The following TUSC3 variants were observed in gnomAD, a reference collection of about 807,000 sequenced individuals.
The protein encoded by TUSC3 is dolichyl-diphosphooligosaccharide--protein glycosyltransferase subunit TUSC3.
A neutral mutation model predicts 44.8 loss-of-function variants in TUSC3; 45 were observed. That is an observed-to-expected ratio of 1.00 (90% confidence interval 0.79 to 1.29). The LOEUF (loss-of-function observed/expected upper bound fraction) is 1.29, where lower values mean the gene tolerates loss of function less well. Ranked by LOEUF, TUSC3 falls within the 50% of genes most tolerant of loss-of-function variation. The pLI is 0.00. For synonymous variants in TUSC3, 212 were observed against 152.9 expected, an observed-to-expected ratio of 1.39 and a Z score of -2.85; for missense variants, 519 against 437.9, an observed-to-expected ratio of 1.19 and a Z score of -1.65.
intron 1 of TUSC3, among the ~76,000 whole-genome samples, chr8:15,445,468 T>C (rs960303050): frequency 3.2e-4 from 49 of 152,300 alleles, no homozygotes; most frequent in African/African-American, 1.2e-3. Context: ...CCTGCGGCCT[T>C]CCGCAGTGTT....
chr8:15,442,037 C>G (rs1485889888), intron 1 of TUSC3, among the ~76,000 whole-genome samples: 1 of 152,122 alleles, frequency 6.6e-6, no homozygotes, highest in Non-Finnish European at 1.5e-5. Context: ...ATATAACTGA[C>G]TGGGCTTCCT....
intron 1 of TUSC3, among the ~76,000 whole-genome samples, chr8:15,457,219 TGAC>T (rs904316583): frequency 2.0e-5 from 3 of 150,744 alleles, no homozygotes; most frequent in Non-Finnish European, 4.4e-5. Context: ...CTAAAGTAAA[TGAC>T]GAGTTAATGG....
chr8:15,762,014 A>C, intron 10 of TUSC3, among the ~76,000 whole-genome samples: 1 of 152,138 alleles, frequency 6.6e-6, no homozygotes, highest in Middle Eastern at 3.4e-3. Context: ...TCAATATAAA[A>C]CATTCATACT....
chr8:15,664,305 G>C lies in TUSC3; in HGVS notation c.708+2009G>C, dbSNP rs867482665. ...ATCTGGACATGTGTCTTATATGTTG[G>C]TGATTCAACCCAGTAGATACAGTGA... is the stretch of plus-strand genomic sequence containing the variant. On this transcript the variant is annotated intron_variant, in intron 5 of 10. Transcript: ENST00000503731. Among the ~76,000 whole-genome samples, 50 of 151,598 alleles carry C rather than the reference G, an allele frequency of 3.3e-4. No individual in the cohort carries two copies. The Middle Eastern group carries it at 0.01, about 31-fold the overall frequency.
At chr8:15,797,717 G>T in the TUSC3 span, among the ~76,000 whole-genome samples, 5,294 of 152,262 alleles carry the variant, frequency 0.035, 152 homozygotes, top group East Asian at 0.13. Context: ...ACATGAATGA[G>T]AACTATTCTA....
chr8:15,641,757 G>C (rs1032580332), intron 2 of TUSC3, among the ~76,000 whole-genome samples: 17 of 152,164 alleles, frequency 1.1e-4, no homozygotes, highest in African/African-American at 4.1e-4. Context: ...AAATTCATGT[G>C]TTACCTATGT....
chr8:15,721,008 G>C (rs1810281725), intron 6 of TUSC3, among the ~76,000 whole-genome samples: 2 of 151,902 alleles, frequency 1.3e-5, no homozygotes, highest in South Asian at 4.2e-4. Flanking sequence ...CGTATTCATA[G>C]GTACATCAAA....
At chr8:15,550,126 T>C (rs543850606) in intron 1 of TUSC3, among the ~76,000 whole-genome samples, 30 of 151,762 alleles carry the variant, frequency 2.0e-4, no homozygotes, top group Non-Finnish European at 4.4e-4. Flanking sequence ...TTCCATACAA[T>C]GTCTGTAATC....
intron 1 of TUSC3, among the ~76,000 whole-genome samples, chr8:15,467,326 CA>C (rs2129122548): frequency 6.6e-6 from 1 of 150,376 alleles, no homozygotes; most frequent in South Asian, 2.1e-4. Context: ...TATCTTCTCT[CA>C]CAATAATCCT....
intron 7 of TUSC3, among the ~76,000 whole-genome samples, chr8:15,740,025 G>C (rs570036169): frequency 5.3e-5 from 8 of 152,176 alleles, no homozygotes; most frequent in Non-Finnish European, 1.0e-4. Flanking sequence ...TGTAGTGCTG[G>C]AACAAAGACA....
intron 1 of TUSC3, among the ~76,000 whole-genome samples, chr8:15,480,832 G>T (rs1376953600): frequency 1.3e-5 from 2 of 152,084 alleles, no homozygotes; most frequent in Non-Finnish European, 2.9e-5. Context: ...ACATTCTAAG[G>T]TACTGGGAGC....
intron 8 of TUSC3, among the ~76,000 whole-genome samples, chr8:15,745,759 C>CTTGT (rs2129215897): frequency 6.6e-6 from 1 of 151,520 alleles, no homozygotes; most frequent in East Asian, 1.9e-4. Context: ...TTTACTCTGT[C>CTTGT]TTGTTGTTTT....
At chr8:15,517,131 TCC>T (rs1303872340) in intron 2 of TUSC3, among the ~76,000 whole-genome samples, 1 of 152,122 alleles carries the variant, frequency 6.6e-6, no homozygotes, top group African/African-American at 2.4e-5. Context: ...AACAAAGTAC[TCC>T]AGGGATTCTC....
chr8:15,639,076 T>A lies in TUSC3; in HGVS notation c.309-11621T>A, dbSNP rs141941234. Among the ~76,000 whole-genome samples the A allele has an allele frequency of 4.1e-5, 6 of 147,304 alleles. No homozygotes were observed. In the East Asian group the frequency reaches 1.2e-3, roughly 30 times the overall value. The stretch of plus-strand genomic sequence containing the variant: ...GTGATGATCATGTGCTGATGCTCGA[T>A]CACGTGATGTTCAGGGCTTCAGTGA... On this transcript the variant is annotated intron_variant, in intron 2 of 10. Coordinates refer to ENST00000503731, the MANE Select transcript of TUSC3 (RefSeq NM_006765.4).
chr8:15,598,387 A>T (rs780826369), intron 1 of TUSC3, among the ~76,000 whole-genome samples: 2 of 151,982 alleles, frequency 1.3e-5, no homozygotes, highest in Non-Finnish European at 2.9e-5. Flanking sequence ...GCCTCCACAC[A>T]TGCGTCATCT....
chr8:15,622,029 A>G (rs1207694829), intron 1 of TUSC3, among the ~76,000 whole-genome samples: 1 of 152,040 alleles, frequency 6.6e-6, no homozygotes, highest in African/African-American at 2.4e-5. Context: ...TTCTTGATGT[A>G]TATGCACCCA....
chr8:15,713,203 A>G (rs796642354), intron 6 of TUSC3, among the ~76,000 whole-genome samples: 41 of 152,284 alleles, frequency 2.7e-4, no homozygotes, highest in African/African-American at 9.4e-4. Flanking sequence ...CGAATTTATC[A>G]TACTCATTCC....
chr8:15,540,299 C>T lies in TUSC3; in HGVS notation c.-132C>T. The T allele has an allele frequency of 1.6e-6, 2 of 1,269,244 alleles. No individual in the cohort carries two copies. The highest frequency in any genetic ancestry group is 1.0e-6 in the Non-Finnish European group (1 of 982,552). The allele number at this position is 1,269,244 out of a possible 1,614,324, so 78.6% of individuals were successfully genotyped here. A position where few individuals can be genotyped will look rare whatever the true frequency, so the allele number is the denominator to read the frequency against. On this transcript the variant is annotated 5_prime_UTR_variant, in exon 1 of 11. Coordinates refer to ENST00000503731, the MANE Select transcript of TUSC3 (RefSeq NM_006765.4). ...CTGCGTCCTCGGCCGCGGCCCGGGT[C>T]CCTCGCAAAGCCGCTGCCATCCCGG...
intron 3 of TUSC3, among the ~76,000 whole-genome samples, chr8:15,658,167 G>A (rs143001873): frequency 6.6e-6 from 1 of 152,150 alleles, no homozygotes; most frequent in African/African-American, 2.4e-5. Flanking sequence ...ATCTTTAGCA[G>A]TAGTGTTTGA....
Sources: allele counts gnomAD v4.1 joint callset (sites outside exome capture counted in the v4.1 genomes callset), GRCh38; gene constraint gnomAD v4.1.1; transcripts MANE v1.5; gene names NCBI Gene and HGNC (gene_info 2026-07-23, HGNC 2026-07-21).